The following APC variants were observed in gnomAD, a reference collection of about 807,000 sequenced individuals.
The protein encoded by APC is APC regulator of Wnt signaling pathway.
A neutral mutation model predicts 247.0 loss-of-function variants in APC; 72 were observed. That is an observed-to-expected ratio of 0.29 (90% CI 0.24 to 0.35). APC has a LOEUF of 0.35. APC is among the 10% of genes least tolerant of loss of function. The probability of loss-of-function intolerance (pLI) is 1.00; values close to 1 mark genes in which losing one functional copy is unlikely to be tolerated. For missense variants in APC, 3,400 were observed against 3,360.7 expected, an observed-to-expected ratio of 1.01 and a Z score of -0.29; for synonymous variants, 1,254 against 1,162.5, an observed-to-expected ratio of 1.08 and a Z score of -1.60.
intron 1 of APC, among the ~76,000 whole-genome samples, chr5:112,721,379 A>C (rs1416422739): frequency 2.0e-5 from 3 of 152,196 alleles, no homozygotes; most frequent in Admixed American, 2.0e-4. Flanking sequence ...GCGCCACTAC[A>C]CTCTAGCCTT....
chr5:112,768,308 G>A (rs773867226), intron 4 of APC, among the ~76,000 whole-genome samples: 3 of 150,262 alleles, frequency 2.0e-5, no homozygotes, highest in Non-Finnish European at 4.4e-5. Context: ...GCCTTCTAAA[G>A]TGCTGGGATT....
rs767372014 is a variant in APC, at chr5:112,842,499, C to G, written c.6905C>G (p.Ser2302Ter). Residue 2302 changes from serine to a stop codon, truncating the protein, a stop_gained, in exon 16 of 16, where the codon TCA (serine) becomes TGA (stop). Coordinates refer to ENST00000257430, the MANE Select transcript of APC (RefSeq NM_000038.6). LOFTEE classifies it high-confidence loss of function. ...IGGSSKAPSR[S>*]GSRDSTPSRP... The stretch of plus-strand genomic sequence containing the variant: ...GGGTCAAGTAAAGCACCTTCTAGAT[C>G]AGGATCTAGAGATTCGACCCCTTCA... 6.2e-7 allele frequency: 1 copy of G among 1,614,036 alleles called. No individual in the cohort carries two copies. Among genetic ancestry groups the G allele is most frequent in the Non-Finnish European group, 8.5e-7 (1 of 1,179,952 alleles).
chr5:112,811,925 C>G (rs967780998), intron 8 of APC, among the ~76,000 whole-genome samples: 2 of 152,114 alleles, frequency 1.3e-5, no homozygotes, highest in Admixed American at 6.5e-5. Flanking sequence ...CCACACATAA[C>G]CAGGGGAGGA....
intron 4 of APC, 53 bp downstream of exon 4, chr5:112,767,443 A>G: frequency 7.5e-7 from 1 of 1,337,806 alleles, no homozygotes; most frequent in Admixed American, 1.7e-5. Flanking sequence ...GTTTATTGTT[A>G]TTTTGTAATA....
chr5:112,745,138 A>T (rs1186299455), intron 1 of APC, among the ~76,000 whole-genome samples: 2 of 152,162 alleles, frequency 1.3e-5, no homozygotes, highest in Non-Finnish European at 2.9e-5. Flanking sequence ...CTGGTCAGTT[A>T]TAGAACTTTA....
intron 6 of APC, among the ~76,000 whole-genome samples, chr5:112,783,200 C>A (rs531075401): frequency 2.0e-5 from 3 of 151,976 alleles, no homozygotes; most frequent in African/African-American, 7.2e-5. Flanking sequence ...ATTTTATATC[C>A]CTGAGGAGAG....
At chr5:112,791,703 C>A (rs1040204305) in intron 6 of APC, among the ~76,000 whole-genome samples, 1 of 152,022 alleles carries the variant, frequency 6.6e-6, no homozygotes, top group African/African-American at 2.4e-5. Flanking sequence ...ATGTTCTTTC[C>A]CTTTACTGGT....
At chr5:112,819,486 A>C (rs1175864910) in intron 10 of APC, 142 bp downstream of exon 10, 2 of 1,151,846 alleles carry the variant, frequency 1.7e-6, no homozygotes, top group Non-Finnish European at 2.5e-6. Flanking sequence ...ACTCATATTT[A>C]AAAGATTAAG....
At chr5:112,794,403 ATATGTGCAGC>A (rs1759979784) in intron 7 of APC, among the ~76,000 whole-genome samples, 1 of 152,154 alleles carries the variant, frequency 6.6e-6, no homozygotes, top group Admixed American at 6.5e-5. Context: ...TTAAAAGAAA[ATATGTGCAGC>A]TATGTTTTGA....
At chr5:112,721,924 T>G (rs537380860) in intron 1 of APC, among the ~76,000 whole-genome samples, 2 of 152,214 alleles carry the variant, frequency 1.3e-5, no homozygotes, top group South Asian at 4.1e-4. Context: ...TAAGAAAGTT[T>G]ACGAATTTGT....
intron 6 of APC, among the ~76,000 whole-genome samples, chr5:112,789,906 G>T (rs939179917): frequency 6.6e-6 from 1 of 151,834 alleles, no homozygotes; most frequent in Non-Finnish European, 1.5e-5. Context: ...TGTCTCCCAG[G>T]CTGGAGGGCA....
chr5:112,770,554 AAG>A (rs1756922386), intron 4 of APC, among the ~76,000 whole-genome samples: 2 of 152,146 alleles, frequency 1.3e-5, no homozygotes, highest in South Asian at 4.1e-4. Context: ...TCTGGAGAGA[AAG>A]AGGTATCAAC....
At chr5:112,748,755 G>T (rs1753957064) in intron 1 of APC, among the ~76,000 whole-genome samples, 2 of 152,138 alleles carry the variant, frequency 1.3e-5, no homozygotes, top group Admixed American at 6.5e-5. Context: ...GGAGGTTACA[G>T]TGAGCCCAGA....
At chr5:112,780,557 T>C (rs1758207115) in intron 5 of APC, among the ~76,000 whole-genome samples, 1 of 152,200 alleles carries the variant, frequency 6.6e-6, no homozygotes, top group Non-Finnish European at 1.5e-5. Context: ...TTAAAGCCAC[T>C]TGTGACTTTG....
chr5:112,770,338 A>G (rs1756897296), intron 4 of APC, among the ~76,000 whole-genome samples: 1 of 152,146 alleles, frequency 6.6e-6, no homozygotes, highest in Admixed American at 6.5e-5. Flanking sequence ...TTTATTATAT[A>G]ATACCACTGT....
rs189912294 is a variant in APC, at chr5:112,739,271, C to G, written c.-19+1346C>G. 4.4e-3 allele frequency among the ~76,000 whole-genome samples: 674 copies of G among 152,144 alleles called. 4 individuals carry two copies. Among genetic ancestry groups the G allele is most frequent in the African/African-American group, 0.016 (644 of 41,504 alleles). ...CCTTTACCTAAATGTAAAAGCCTATCTTTATGCATACTTATAGTAGCCAGC... is the reference window on the plus strand; with the variant it reads ...CCTTTACCTAAATGTAAAAGCCTATGTTTATGCATACTTATAGTAGCCAGC... On this transcript the variant is annotated intron_variant, in intron 1 of 15. Transcript: ENST00000257430.
At chr5:112,795,383 A>G (rs1760106562) in intron 7 of APC, among the ~76,000 whole-genome samples, 1 of 152,222 alleles carries the variant, frequency 6.6e-6, no homozygotes, top group South Asian at 2.1e-4. Context: ...TTTGGTATCC[A>G]TAATTTTTAT....
intron 1 of APC, among the ~76,000 whole-genome samples, chr5:112,741,221 C>T (rs1376074186): frequency 6.6e-6 from 1 of 152,140 alleles, no homozygotes; most frequent in African/African-American, 2.4e-5. Flanking sequence ...ACAAGTTAAA[C>T]ACTGCTTTGG....
chr5:112,712,936 T>C (rs1750941578), intron 1 of APC, among the ~76,000 whole-genome samples: 1 of 152,276 alleles, frequency 6.6e-6, no homozygotes, highest in South Asian at 2.1e-4. Flanking sequence ...TTGGGGAGGC[T>C]GAGGCGGGCG....
Sources: allele counts gnomAD v4.1 joint callset (sites outside exome capture counted in the v4.1 genomes callset), GRCh38; gene constraint gnomAD v4.1.1; transcripts MANE v1.5; gene names NCBI Gene and HGNC (gene_info 2026-07-23, HGNC 2026-07-21).